UBE4B: variants seen among roughly 807,000 people sequenced by gnomAD.
The protein encoded by UBE4B is ubiquitination factor E4B.
UBE4B carries 27 observed loss-of-function variants against 148.1 expected under a neutral mutation model. The observed-to-expected ratio is 0.18, with a 90% CI of 0.13 to 0.25. The LOEUF is 0.25. Among genes scored for constraint, UBE4B ranks in the 10% least tolerant of loss-of-function variants. The probability of loss-of-function intolerance (pLI) is 1.00; values close to 1 mark genes in which losing one functional copy is unlikely to be tolerated. For missense variants in UBE4B, 1,170 were observed against 1,662.4 expected, an observed-to-expected ratio of 0.70 and a Z score of 5.15; for synonymous variants, 596 against 619.3, an observed-to-expected ratio of 0.96 and a Z score of 0.56.
Position 10,181,105 on chromosome 1 carries a change from A to T in UBE4B, c.*1149A>T, listed in dbSNP as rs997046058. ...AAAAAAAAAAAGGATTTGAAACCAT[A>T]AAGTGTTCTGAAGAAATTAAGTCTA... On this transcript the variant is annotated 3_prime_UTR_variant, in exon 28 of 28. Coordinates refer to ENST00000343090, the MANE Select transcript of UBE4B (RefSeq NM_001105562.3). 9.8e-5 allele frequency: 15 copies of T among 152,562 alleles called. 3 individuals are homozygous for T. Among genetic ancestry groups the T allele is most frequent in the Admixed American group, 9.8e-4 (15 of 15,272 alleles). 9.5% of individuals were successfully genotyped at this position (152,562 alleles called of 1,614,324 possible).
chr1:10,041,125 A>T (rs914586596), intron 1 of UBE4B, among the ~76,000 whole-genome samples: 2 of 152,058 alleles, frequency 1.3e-5, no homozygotes, highest in Admixed American at 6.6e-5. Context: ...GATAATAAGG[A>T]TATAAACTTG....
At chr1:10,135,211 T>G (rs1570955329) in intron 16 of UBE4B, 25 bp downstream of exon 16, 1 of 1,598,618 alleles carries the variant, frequency 6.3e-7, no homozygotes, top group Non-Finnish European at 8.5e-7. Context: ...CGTGACTCGG[T>G]CATTAAAACA....
At chr1:10,076,316 C>T (rs957450268) in intron 2 of UBE4B, among the ~76,000 whole-genome samples, 2 of 149,758 alleles carry the variant, frequency 1.3e-5, no homozygotes, top group Non-Finnish European at 3.0e-5. Flanking sequence ...GTGATCTTGG[C>T]TCACTGTAAC....
At chr1:10,099,767 A>G (rs1557550787) in intron 3 of UBE4B, among the ~76,000 whole-genome samples, 1 of 152,190 alleles carries the variant, frequency 6.6e-6, no homozygotes, top group South Asian at 2.1e-4. Context: ...AGGGACAGAC[A>G]AATTGTCTAA....
intron 17 of UBE4B, among the ~76,000 whole-genome samples, chr1:10,144,349 A>G (rs565749384): frequency 1.3e-5 from 2 of 152,334 alleles, no homozygotes; most frequent in East Asian, 1.9e-4. Context: ...TAAGGGAACA[A>G]TGTACTTTCT....
At chr1:10,093,948 G>A (rs1644889918) in intron 2 of UBE4B, among the ~76,000 whole-genome samples, 1 of 152,010 alleles carries the variant, frequency 6.6e-6, no homozygotes, top group South Asian at 2.1e-4. Flanking sequence ...GCCTTCCTCG[G>A]CCCCTCAAAG....
At chr1:10,173,524 A>G (rs913841535) in intron 25 of UBE4B, among the ~76,000 whole-genome samples, 2 of 151,726 alleles carry the variant, frequency 1.3e-5, no homozygotes, top group Non-Finnish European at 2.9e-5. Flanking sequence ...CACACACACA[A>G]ACACTGCTTT....
intron 18 of UBE4B, among the ~76,000 whole-genome samples, chr1:10,146,696 T>A (rs1336038440): frequency 6.6e-6 from 1 of 152,070 alleles, no homozygotes; most frequent in African/African-American, 2.4e-5. Flanking sequence ...CATCAGGTTA[T>A]TTACTTGTGA....
intron 2 of UBE4B, among the ~76,000 whole-genome samples, chr1:10,091,915 A>G (rs1185310187): frequency 6.6e-6 from 1 of 151,808 alleles, no homozygotes; most frequent in African/African-American, 2.4e-5. Flanking sequence ...CTACCTGACT[A>G]ATTTTTTAAG....
chr1:10,083,104 A>G (rs373990359), intron 2 of UBE4B, among the ~76,000 whole-genome samples: 2 of 151,998 alleles, frequency 1.3e-5, no homozygotes, highest in Non-Finnish European at 2.9e-5. Context: ...AAATAGTGCT[A>G]TCGTGTACAT....
In UBE4B at chr1:10,123,877, G is replaced by A. The variant is rs373314655; in HGVS notation, c.1554+1801G>A. On this transcript the variant is annotated intron_variant, in intron 10 of 27. Coordinates refer to ENST00000343090, the MANE Select transcript of UBE4B (RefSeq NM_001105562.3). ...CAACCTCCGCCTCCCGGGTTCAAGCGATTCTCCTGCCTTAGCCTCCCAAGT... is the reference window on the plus strand; with the variant it reads ...CAACCTCCGCCTCCCGGGTTCAAGCAATTCTCCTGCCTTAGCCTCCCAAGT... 9.2e-5 allele frequency among the ~76,000 whole-genome samples: 14 copies of A among 152,206 alleles called. No individual in the cohort carries two copies. The East Asian group carries it at 1.9e-3, about 21-fold the overall frequency.
intron 2 of UBE4B, among the ~76,000 whole-genome samples, chr1:10,093,475 C>T (rs1644881252): frequency 6.6e-6 from 1 of 151,986 alleles, no homozygotes; most frequent in African/African-American, 2.4e-5. Context: ...TTTCTTATTT[C>T]CTTCATAAAT....
Position 10,126,028 on chromosome 1 carries a change from C to T in UBE4B, c.1555-766C>T, listed in dbSNP as rs147089781. ...AAAAATATTGATAGAGGGCCAAGCG[C>T]GGTAGCTCATGCCTGTGATCCCAGC... On this transcript the variant is annotated intron_variant, in intron 10 of 27. Transcript: ENST00000343090. Among the ~76,000 whole-genome samples, 744 of 152,232 alleles carry T rather than the reference C, an allele frequency of 4.9e-3. 9 individuals carry two copies. Among genetic ancestry groups the T allele is most frequent in the African/African-American group, 0.017 (698 of 41,532 alleles).
chr1:10,034,702 A>G (rs190266680), intron 1 of UBE4B, among the ~76,000 whole-genome samples: 192 of 152,302 alleles, frequency 1.3e-3, no homozygotes, highest in Non-Finnish European at 1.6e-3. Flanking sequence ...GTACTACAAG[A>G]CTTCCATGCT....
intron 1 of UBE4B, among the ~76,000 whole-genome samples, chr1:10,045,695 C>T (rs1456115562): frequency 1.3e-5 from 2 of 152,066 alleles, no homozygotes; most frequent in South Asian, 2.1e-4. Flanking sequence ...GAGAGAAAGG[C>T]GGCCATCGAA....
At chr1:10,035,187 T>C (rs1407872773) in intron 1 of UBE4B, among the ~76,000 whole-genome samples, 3 of 150,494 alleles carry the variant, frequency 2.0e-5, no homozygotes, top group African/African-American at 4.9e-5. Context: ...TTAGTAGAGA[T>C]GGGGTTTCAC....
In UBE4B at chr1:10,102,391, C is replaced by CT. The variant is rs33997625; in HGVS notation, c.436-520dup. 3.6e-3 allele frequency among the ~76,000 whole-genome samples: 188 copies of CT among 51,560 alleles called. 54 individuals carry two copies. The highest frequency in any genetic ancestry group is 8.3e-3 in the East Asian group (13 of 1,568). 33.8% of individuals were successfully genotyped at this position (51,560 alleles called of 152,430 possible). On this transcript the variant is annotated intron_variant, in intron 4 of 27. Coordinates refer to ENST00000343090, the MANE Select transcript of UBE4B (RefSeq NM_001105562.3). ...GGTGACTTTTGATAATGACTTTGCTCTTTTTTTTTTTTTTTTTTTTTTTTT... is the reference window on the plus strand; with the variant it reads ...GGTGACTTTTGATAATGACTTTGCTCTTTTTTTTTTTTTTTTTTTTTTTTTT...
At chr1:10,129,967 G>A (rs1290748241) in intron 12 of UBE4B, among the ~76,000 whole-genome samples, 1 of 149,992 alleles carries the variant, frequency 6.7e-6, no homozygotes, top group African/African-American at 2.5e-5. Flanking sequence ...TTTTTCCCTT[G>A]ACAAGTATTG....
At chr1:10,092,493 A>T (rs1297711459) in intron 2 of UBE4B, among the ~76,000 whole-genome samples, 3 of 151,276 alleles carry the variant, frequency 2.0e-5, no homozygotes, top group African/African-American at 7.3e-5. Context: ...AAGTGCTGGG[A>T]TTACAGGCGT....
Sources: allele counts gnomAD v4.1 joint callset (sites outside exome capture counted in the v4.1 genomes callset), GRCh38; gene constraint gnomAD v4.1.1; transcripts MANE v1.5; gene names NCBI Gene and HGNC (gene_info 2026-07-23, HGNC 2026-07-21).